C19orf47: variants seen among roughly 807,000 people sequenced by gnomAD.
C19orf47 encodes the protein uncharacterized protein C19orf47.
Under a neutral mutation model 32.3 loss-of-function variants are expected in C19orf47, and 18 were observed. That is an observed-to-expected ratio of 0.56 (90% confidence interval 0.39 to 0.83). The LOEUF (loss-of-function observed/expected upper bound fraction) is 0.83, where lower values mean the gene tolerates loss of function less well. Ranked by LOEUF, C19orf47 falls within the 40% of genes least tolerant of loss-of-function variation. C19orf47 has a pLI of 0.00. For missense variants in C19orf47, 484 were observed against 531.6 expected, an observed-to-expected ratio of 0.91 and a Z score of 0.88; for synonymous variants, 202 against 211.1, an observed-to-expected ratio of 0.96 and a Z score of 0.37.
At chr19:40,301,911 G>A in the C19orf47 span, among the ~76,000 whole-genome samples, 1 of 151,706 alleles carries the variant, frequency 6.6e-6, no homozygotes. Context: ...TGTAATCCGA[G>A]CACTTTGGAA....
chr19:40,299,327 T>C, the C19orf47 span, among the ~76,000 whole-genome samples: 1 of 152,158 alleles, frequency 6.6e-6, no homozygotes, highest in African/African-American at 2.4e-5. Flanking sequence ...TATTAAATGA[T>C]TATAAAATGA....
chr19:40,333,754 T>G, intron 5 of C19orf47, 97 bp downstream of exon 5: 1 of 1,013,850 alleles, frequency 9.9e-7, no homozygotes. Flanking sequence ...GTTTCTACCT[T>G]TGAAAATTAC....
the C19orf47 span, among the ~76,000 whole-genome samples, chr19:40,300,600 G>A: frequency 6.6e-6 from 1 of 152,104 alleles, no homozygotes; most frequent in African/African-American, 2.4e-5. Context: ...GAAATAACCA[G>A]GTTTCCTTGT....
chr19:40,342,333 G>A (rs118130471), intron 1 of C19orf47: 3,381 of 169,074 alleles, frequency 0.02, 114 homozygotes, highest in Admixed American at 0.07. Context: ...AAAAAAGGCT[G>A]GTCCGAAGGT....
In C19orf47 at chr19:40,336,215, C is replaced by T. The variant is rs373587945; in HGVS notation, c.117G>A (p.Lys39=). 1 of 1,614,118 alleles carries T rather than the reference C, an allele frequency of 6.2e-7. No individual in the cohort carries two copies. Among genetic ancestry groups the T allele is most frequent in the Non-Finnish European group, 8.5e-7 (1 of 1,180,038 alleles). The change falls in exon 4 of 9, where the codon AAG becomes AAA. Residue 39 remains lysine, a synonymous_variant. Coordinates refer to ENST00000683109, the MANE Select transcript of C19orf47 (RefSeq NM_001256441.2). ...AVMFVDNRIQ[K]SMLLDLNKEI... The stretch of plus-strand genomic sequence containing the variant: ...CCTTATTGAGATCCAGCAGCATGCT[C>T]TTCTGAATCCTGCAGGGAAAGGTCA...
chr19:40,326,677 G>T (rs1036463673), intron 6 of C19orf47, among the ~76,000 whole-genome samples, 191 bp from the exon 7 acceptor site: 5 of 152,128 alleles, frequency 3.3e-5, no homozygotes, highest in South Asian at 2.1e-4. Flanking sequence ...CACAGAAGGT[G>T]CTCAGAATCC....
chr19:40,318,979 T>C (rs1266394312), downstream of C19orf47, among the ~76,000 whole-genome samples: 1 of 152,164 alleles, frequency 6.6e-6, no homozygotes, highest in African/African-American at 2.4e-5. Context: ...CAGTTTAAAA[T>C]AGTTAAAATG....
chr19:40,324,336 A>G (rs2077784472), intron 7 of C19orf47: 1 of 534,798 alleles, frequency 1.9e-6, no homozygotes, highest in African/African-American at 1.9e-5. Flanking sequence ...AACTGTGTGC[A>G]CGGGAAGAGT....
Position 40,328,660 on chromosome 19 carries a change from G to A in C19orf47, c.302-110C>T, listed in dbSNP as rs186319756. On this transcript the variant is annotated intron_variant, in intron 5 of 8. Coordinates refer to ENST00000683109, the MANE Select transcript of C19orf47 (RefSeq NM_001256441.2). The stretch of plus-strand genomic sequence containing the variant: ...GGTGAGGCTTGAGACTGAATGAGAA[G>A]GTCAGCGGGTATCACCCTGTAACTG... 48 of 1,384,618 alleles carry A rather than the reference G, an allele frequency of 3.5e-5. No homozygotes were observed. The African/African-American group carries it at 4.8e-4, about 14-fold the overall frequency. The allele number at this position is 1,384,618 out of a possible 1,614,324, so 85.8% of individuals were successfully genotyped here. A position where few individuals can be genotyped will look rare whatever the true frequency, so the allele number is the denominator to read the frequency against.
At chr19:40,342,249 G>A (rs578252631) in intron 1 of C19orf47, 2 of 257,386 alleles carry the variant, frequency 7.8e-6, no homozygotes, top group East Asian at 1.1e-4. Context: ...ACTTTGGGAG[G>A]CCAAGGTGGG....
chr19:40,328,688 T>C (rs2145550296), intron 5 of C19orf47, 138 bp from the exon 6 acceptor site: 5 of 1,165,796 alleles, frequency 4.3e-6, no homozygotes, highest in East Asian at 2.6e-5. Flanking sequence ...TGTAACTGCA[T>C]GGTACTCGTG....
the C19orf47 span, among the ~76,000 whole-genome samples, chr19:40,293,573 C>G: frequency 6.6e-6 from 1 of 152,086 alleles, no homozygotes; most frequent in Non-Finnish European, 1.5e-5. Flanking sequence ...TCAAGCGATT[C>G]TCCTGCCTCA....
At chr19:40,336,537 C>T in intron 2 of C19orf47, 130 bp from the exon 3 acceptor site, 2 of 773,232 alleles carry the variant, frequency 2.6e-6, no homozygotes, top group Admixed American at 4.3e-5. Context: ...GAGTGCTCCA[C>T]ACACACATGA....
At chr19:40,309,342 C>T in the C19orf47 span, among the ~76,000 whole-genome samples, 1 of 151,988 alleles carries the variant, frequency 6.6e-6, no homozygotes, top group African/African-American at 2.4e-5. Context: ...GCATGCGCCA[C>T]CACTCCTGGC....
chr19:40,331,763 G>A (rs1295888028), intron 5 of C19orf47, among the ~76,000 whole-genome samples: 1 of 152,204 alleles, frequency 6.6e-6, no homozygotes, highest in Non-Finnish European at 1.5e-5. Context: ...TCTGTCGGGT[G>A]CGGTGGCTAA....
the C19orf47 span, among the ~76,000 whole-genome samples, chr19:40,298,936 AGAGTGAATTTATTATGTCTTAAAAATG>A: frequency 7.7e-5 from 1 of 13,026 alleles, no homozygotes; most frequent in Non-Finnish European, 1.5e-4. Flanking sequence ...CTTAAAAATG[AGAGTGAATTTATTATGTCTTAAAAATG>A]AGCCCTAATA....
the C19orf47 span, among the ~76,000 whole-genome samples, chr19:40,312,034 A>G: frequency 6.6e-6 from 1 of 152,214 alleles, no homozygotes; most frequent in Non-Finnish European, 1.5e-5. Context: ...ATTGATGTAC[A>G]CTATCCCACA....
Position 40,321,335 on chromosome 19 carries a change from C to A in C19orf47, c.*547G>T. On this transcript the variant is annotated 3_prime_UTR_variant, in exon 9 of 9. Transcript: ENST00000683109. ...AGGTACAGGAGGGTCGGGCAGGACG[C>A]AGCGGACAGTCGGGCCTTGCCACGG... The A allele has an allele frequency of 1.0e-6, 1 of 987,558 alleles. No individual in the cohort carries two copies. Among genetic ancestry groups the A allele is most frequent in the Non-Finnish European group, 1.2e-6 (1 of 831,168 alleles). 61.2% of individuals were successfully genotyped at this position (987,558 alleles called of 1,614,324 possible).
At chr19:40,346,210 G>A (rs964077568) in intron 1 of C19orf47, among the ~76,000 whole-genome samples, 2 of 147,228 alleles carry the variant, frequency 1.4e-5, no homozygotes, top group African/African-American at 5.0e-5. Flanking sequence ...TTGGGAGGCT[G>A]AGGCAGGTGG....
Sources: allele counts gnomAD v4.1 joint callset (sites outside exome capture counted in the v4.1 genomes callset), GRCh38; gene constraint gnomAD v4.1.1; transcripts MANE v1.5; gene names NCBI Gene and HGNC (gene_info 2026-07-23, HGNC 2026-07-21).